Variants in NFIA observed in about 807,000 individuals in gnomAD.
NFIA encodes nuclear factor 1 A-type.
In NFIA, 8 loss-of-function variants were observed where a neutral mutation model predicts 62.8. The ratio of observed to expected loss-of-function variants is 0.13; its 90% CI spans 0.07 to 0.23. NFIA has a LOEUF of 0.23. Among genes scored for constraint, NFIA ranks in the 10% least tolerant of loss-of-function variants. NFIA has a pLI of 1.00. For missense variants in NFIA, 410 were observed against 642.1 expected (o/e 0.64, Z 3.91); for synonymous variants, 235 against 238.1 (o/e 0.99, Z 0.12).
At chr1:61,274,883 T>G (rs1409167791) in intron 2 of NFIA, among the ~76,000 whole-genome samples, 1 of 152,186 alleles carries the variant, frequency 6.6e-6, no homozygotes, top group African/African-American at 2.4e-5. Flanking sequence ...CAGCAGAGAA[T>G]AGCACTAAGA....
rs543721385 is a variant in NFIA at position 61,290,679 on chromosome 1, A to G, written c.625+13094A>G. Among the ~76,000 whole-genome samples, 40 of 152,360 alleles carry G rather than the reference A, an allele frequency of 2.6e-4. No homozygotes were observed. In the South Asian group the frequency reaches 8.1e-3, roughly 31 times the overall value. On this transcript the variant is annotated intron_variant, in intron 3 of 10. Coordinates refer to ENST00000403491, the MANE Select transcript of NFIA (RefSeq NM_001134673.4). The stretch of plus-strand genomic sequence containing the variant: ...TGTCCGAGCTTGAGCCAGTTCTAAA[A>G]GTAGCAGTGCAGAACGTCTATGTCC...
At chr1:61,207,626 C>T (rs1056101060) in intron 2 of NFIA, among the ~76,000 whole-genome samples, 1 of 152,112 alleles carries the variant, frequency 6.6e-6, no homozygotes, top group African/African-American at 2.4e-5. Context: ...ACCACAGAAG[C>T]GCTGTTCAGA....
At chr1:61,306,506 C>T (rs919446013) in intron 3 of NFIA, among the ~76,000 whole-genome samples, 1 of 151,644 alleles carries the variant, frequency 6.6e-6, no homozygotes, top group African/African-American at 2.4e-5. Context: ...GAACTCCTGA[C>T]CTCAGATGAT....
intron 2 of NFIA, among the ~76,000 whole-genome samples, chr1:61,163,204 A>G (rs977916309): frequency 6.6e-6 from 1 of 152,222 alleles, no homozygotes; most frequent in Admixed American, 6.5e-5. Context: ...GTAGCTACAT[A>G]GGAATAAGTT....
At chr1:61,382,937 G>A (rs140211534) in intron 6 of NFIA, among the ~76,000 whole-genome samples, 1 of 152,204 alleles carries the variant, frequency 6.6e-6, no homozygotes, top group Non-Finnish European at 1.5e-5. Context: ...GACACAAGCA[G>A]CAACTTTTAG....
intron 2 of NFIA, among the ~76,000 whole-genome samples, chr1:61,121,224 C>T (rs1646881664): frequency 6.6e-6 from 1 of 152,114 alleles, no homozygotes. Flanking sequence ...GCTCTTTGAA[C>T]TCTTGTTTTA....
At chr1:61,433,305 T>C (rs1401374243) in intron 10 of NFIA, among the ~76,000 whole-genome samples, 2 of 152,168 alleles carry the variant, frequency 1.3e-5, no homozygotes. Flanking sequence ...CTAATGATAT[T>C]AGTCTGCATC....
At chr1:61,398,993 A>AT (rs1353549264) in intron 7 of NFIA, among the ~76,000 whole-genome samples, 2 of 151,890 alleles carry the variant, frequency 1.3e-5, no homozygotes, top group African/African-American at 4.8e-5. Context: ...TTTAAGTGGG[A>AT]TTTTTTTCTT....
intron 3 of NFIA, among the ~76,000 whole-genome samples, chr1:61,313,391 G>A (rs1032610575): frequency 6.6e-6 from 1 of 152,166 alleles, no homozygotes; most frequent in African/African-American, 2.4e-5. Context: ...GAGCAGACAG[G>A]TCACATGGCA....
chr1:61,354,530 C>T (rs977182020), intron 5 of NFIA, among the ~76,000 whole-genome samples: 3 of 152,124 alleles, frequency 2.0e-5, no homozygotes, highest in Non-Finnish European at 4.4e-5. Flanking sequence ...ACAGTGTTTT[C>T]ATTTAAACAG....
chr1:61,361,199 C>T (rs1403759797), intron 6 of NFIA, among the ~76,000 whole-genome samples: 1 of 152,198 alleles, frequency 6.6e-6, no homozygotes. Context: ...CACACATCAT[C>T]TTTTCTCCGA....
intron 2 of NFIA, among the ~76,000 whole-genome samples, chr1:61,119,903 AC>A (rs1317524015): frequency 6.6e-6 from 1 of 152,170 alleles, no homozygotes; most frequent in Non-Finnish European, 1.5e-5. Flanking sequence ...TCTGTGTCTT[AC>A]CAACTTTGAT....
intron 2 of NFIA, among the ~76,000 whole-genome samples, chr1:61,222,501 G>A (rs972617686): frequency 3.3e-5 from 5 of 152,150 alleles, no homozygotes; most frequent in African/African-American, 1.2e-4. Flanking sequence ...GAGTTTAAAG[G>A]TTGAGTCCTT....
intron 2 of NFIA, among the ~76,000 whole-genome samples, chr1:61,197,259 G>A (rs1388731181): frequency 1.0e-5 from 1 of 98,986 alleles, no homozygotes; most frequent in African/African-American, 4.3e-5. Context: ...TTTTTTTTGA[G>A]ACGGAGTCTC....
intron 1 of NFIA, among the ~76,000 whole-genome samples, chr1:61,085,192 TA>T (rs968339023): frequency 5.9e-5 from 9 of 151,456 alleles, no homozygotes; most frequent in Admixed American, 2.0e-4. Flanking sequence ...GTAGGCAATT[TA>T]AAAAAAAACT....
intron 10 of NFIA, among the ~76,000 whole-genome samples, chr1:61,432,219 ATT>A (rs10719480): frequency 0.024 from 3,119 of 128,970 alleles, 43 homozygotes; most frequent in African/African-American, 0.059. Context: ...ACTTTTCCCT[ATT>A]TTTTTTTTTT....
chr1:61,365,181 T>C lies in NFIA; in HGVS notation c.946+5907T>C, dbSNP rs536672973. Among the ~76,000 whole-genome samples, 3 of 152,338 alleles carry C rather than the reference T, an allele frequency of 2.0e-5. No individual in the cohort carries two copies. The South Asian group carries it at 6.2e-4, about 32-fold the overall frequency. On this transcript the variant is annotated intron_variant, in intron 6 of 10. Transcript: ENST00000403491. ...CAGCCTGAGCAACAGAGTGAGACCC[T>C]GTCTCAAAAGAAAAGAGAAACAAAC...
At chr1:61,146,915 TG>T (rs1648050770) in intron 2 of NFIA, among the ~76,000 whole-genome samples, 1 of 152,140 alleles carries the variant, frequency 6.6e-6, no homozygotes, top group Non-Finnish European at 1.5e-5. Flanking sequence ...TAGGGTGTGA[TG>T]AGGTTGGGTT....
At chr1:61,422,801 C>T (rs2100549345) in intron 9 of NFIA, among the ~76,000 whole-genome samples, 1 of 151,640 alleles carries the variant, frequency 6.6e-6, no homozygotes, top group South Asian at 2.1e-4. Context: ...CTAACCCTCT[C>T]CACCCCACTC....
Sources: allele counts gnomAD v4.1 joint callset (sites outside exome capture counted in the v4.1 genomes callset), GRCh38; gene constraint gnomAD v4.1.1; transcripts MANE v1.5; gene names NCBI Gene and HGNC (gene_info 2026-07-23, HGNC 2026-07-21).